Variants in SCYL2 observed in about 807,000 individuals in gnomAD.
The protein encoded by SCYL2 is SCY1-like protein 2.
SCYL2 carries 36 observed loss-of-function variants against 100.4 expected under a neutral mutation model. The observed-to-expected ratio is 0.36, with a 90% CI of 0.27 to 0.47. The LOEUF is 0.47. Among genes scored for constraint, SCYL2 ranks in the 20% least tolerant of loss-of-function variants. SCYL2 has a pLI of 1.00. For synonymous variants in SCYL2, 330 were observed against 359.2 expected, an observed-to-expected ratio of 0.92 and a Z score of 0.92; for missense variants, 902 against 1,083.9, an observed-to-expected ratio of 0.83 and a Z score of 2.36.
rs554795901 is a variant in SCYL2, at chr12:100,341,677, A to G, written c.*2505A>G. 2.0e-5 allele frequency: 3 copies of G among 152,232 alleles called. No individual in the cohort carries two copies. The highest frequency in any genetic ancestry group is 2.9e-5 in the Non-Finnish European group (2 of 68,046). The allele number at this position is 152,232 out of a possible 1,614,324, so 9.4% of individuals were successfully genotyped here. The stretch of plus-strand genomic sequence containing the variant: ...GTATATGCGAACATACCTGATATCA[A>G]GAGGAGTATGCACCAAATAAATTTT... On this transcript the variant is annotated 3_prime_UTR_variant, in exon 18 of 18. Coordinates refer to ENST00000360820, the MANE Select transcript of SCYL2 (RefSeq NM_017988.6).
rs149409839 is a variant in SCYL2, at chr12:100,339,421, A to G, written c.*249A>G. ...GTTTTTAAAGACCCAGCCCTTCCCA[A>G]TCTCAAAGAGAAAAAGGAAACTGAG... On this transcript the variant is annotated 3_prime_UTR_variant, in exon 18 of 18. Coordinates refer to ENST00000360820, the MANE Select transcript of SCYL2 (RefSeq NM_017988.6). The G allele has an allele frequency of 7.0e-5, 30 of 426,122 alleles. No homozygotes were observed. Among genetic ancestry groups the G allele is most frequent in the African/African-American group, 3.7e-4 (18 of 49,120 alleles). 26.4% of individuals were successfully genotyped at this position (426,122 alleles called of 1,614,324 possible).
chr12:100,315,633 C>A lies in SCYL2; in HGVS notation c.1171C>A (p.Pro391Thr). ...CCCTGACATGGTACCTTTTGTTTTG[C>A]CCAATGTTCTACTTATTGCTGAGGA... The part of the protein sequence containing the change: ...VNPDMVPFVL[P>T]NVLLIAEECT... Residue 391 changes from proline (P) to threonine (T), a missense_variant, in exon 9 of 18, where the codon CCC becomes ACC. Coordinates refer to ENST00000360820, the MANE Select transcript of SCYL2 (RefSeq NM_017988.6). The A allele has an allele frequency of 6.2e-7, 1 of 1,611,664 alleles. No homozygotes were observed. The highest frequency in any genetic ancestry group is 8.5e-7 in the Non-Finnish European group (1 of 1,178,656).
Position 100,340,031 on chromosome 12 carries a change from A to G in SCYL2, c.*859A>G, listed in dbSNP as rs1448034091. On this transcript the variant is annotated 3_prime_UTR_variant, in exon 18 of 18. Coordinates refer to ENST00000360820, the MANE Select transcript of SCYL2 (RefSeq NM_017988.6). ...AACTTCTGAGGTTGCAGCATATATG[A>G]ATTGCATTTTCAAAAGAAGATTTGT... 2 of 152,714 alleles carry G rather than the reference A, an allele frequency of 1.3e-5. No homozygotes were observed. The highest frequency in any genetic ancestry group is 4.8e-5 in the African/African-American group (2 of 41,576). 9.5% of individuals were successfully genotyped at this position (152,714 alleles called of 1,614,324 possible). A position where few individuals can be genotyped will look rare whatever the true frequency, so the allele number is the denominator to read the frequency against.
chr12:100,326,260 G>A (rs2096361672), intron 11 of SCYL2, among the ~76,000 whole-genome samples: 2 of 152,246 alleles, frequency 1.3e-5, no homozygotes, highest in African/African-American at 4.8e-5. Flanking sequence ...ATCACTTGGT[G>A]CAAAGAATGT....
chr12:100,302,374 GT>G (rs957679353), intron 4 of SCYL2, among the ~76,000 whole-genome samples: 3 of 152,184 alleles, frequency 2.0e-5, no homozygotes, highest in African/African-American at 7.2e-5. Context: ...AATTTGGTGT[GT>G]TTTTGCAGTG....
chr12:100,278,957 A>G (rs540646137), intron 1 of SCYL2, among the ~76,000 whole-genome samples: 51 of 151,924 alleles, frequency 3.4e-4, no homozygotes, highest in Non-Finnish European at 5.3e-4. Context: ...CTTTGTTCTT[A>G]TATGTAATTT....
rs1198328282 is a variant in SCYL2, at chr12:100,323,577, C to A, written c.1448C>A (p.Ser483Tyr). The change falls in exon 11 of 18, where the codon TCC (serine) becomes TAC (tyrosine). Residue 483 changes from serine (S) to tyrosine (Y), a missense_variant. By Grantham distance (144) the Ser-to-Tyr change is moderately radical (BLOSUM62 -2). Transcript: ENST00000360820. The stretch of plus-strand genomic sequence containing the variant: ...TTTGCAAATCTTATAGACTACCCAT[C>A]CATGAAAAACGCTTTGATACCAAGA... ...PTFANLIDYP[S>Y]MKNALIPRIK... is the part of the protein sequence containing the mutation. The A allele has an allele frequency of 1.1e-5, 18 of 1,607,036 alleles. No individual in the cohort carries two copies. The highest frequency in any genetic ancestry group is 1.5e-5 in the Non-Finnish European group (18 of 1,176,358).
At chr12:100,273,599 G>A (rs1268304197) in intron 1 of SCYL2, among the ~76,000 whole-genome samples, 2 of 152,120 alleles carry the variant, frequency 1.3e-5, no homozygotes, top group Non-Finnish European at 2.9e-5. Flanking sequence ...ATGATGGATA[G>A]CATCTCAAAT....
chr12:100,338,440 T>C, intron 17 of SCYL2, 88 bp from the exon 18 acceptor site: 1 of 1,192,600 alleles, frequency 8.4e-7, no homozygotes, highest in African/African-American at 1.6e-5. Context: ...TTCTAACTTG[T>C]CCTTTATAAT....
chr12:100,304,841 G>A (rs148172133), intron 4 of SCYL2, among the ~76,000 whole-genome samples: 15 of 151,700 alleles, frequency 9.9e-5, no homozygotes, highest in African/African-American at 2.7e-4. Flanking sequence ...AAAAAAAAGC[G>A]GGGGTTGCAG....
intron 4 of SCYL2, 97 bp from the exon 5 acceptor site, chr12:100,310,944 TTTA>T (rs1307228802): frequency 8.4e-7 from 1 of 1,196,412 alleles, no homozygotes; most frequent in African/African-American, 1.6e-5. Context: ...ACGCAAAACT[TTTA>T]TTGTGAAGAG....
In SCYL2 at chr12:100,333,242, G is replaced by C. The variant is rs1206437925; in HGVS notation, c.1762-924G>C. Among the ~76,000 whole-genome samples the C allele has an allele frequency of 3.3e-5, 5 of 152,146 alleles. 1 individual carries two copies. The highest frequency in any genetic ancestry group is 2.6e-4 in the Admixed American group (4 of 15,274). Reference sequence around the variant, plus strand: ...TAAGATGAAGAAGCTGCTGCTGATAGAGCATGGTGAAAAGCAGTATAACGT... The same window carrying C: ...TAAGATGAAGAAGCTGCTGCTGATACAGCATGGTGAAAAGCAGTATAACGT... On this transcript the variant is annotated intron_variant, in intron 13 of 17. Transcript: ENST00000360820.
chr12:100,325,185 G>T (rs1379893439), intron 11 of SCYL2, among the ~76,000 whole-genome samples: 2 of 152,044 alleles, frequency 1.3e-5, no homozygotes, highest in African/African-American at 4.8e-5. Context: ...GACAGAGCAA[G>T]CCCCCGCCGC....
chr12:100,315,435 C>G (rs984959087), intron 8 of SCYL2, 123 bp from the exon 9 acceptor site: 1 of 726,850 alleles, frequency 1.4e-6, no homozygotes, highest in African/African-American at 1.8e-5. Flanking sequence ...ATACCAGTTT[C>G]AACCATAAAT....
At chr12:100,304,060 G>A (rs565972545) in intron 4 of SCYL2, among the ~76,000 whole-genome samples, 1 of 152,072 alleles carries the variant, frequency 6.6e-6, no homozygotes, top group African/African-American at 2.4e-5. Flanking sequence ...ACACTGTGAG[G>A]GGAAAACCAC....
chr12:100,337,566 A>G (rs1005366061), intron 17 of SCYL2, 60 bp downstream of exon 17: 3 of 1,489,944 alleles, frequency 2.0e-6, no homozygotes, highest in Admixed American at 3.5e-5. Flanking sequence ...GTAAGGTGGT[A>G]TAGAACTTAG....
intron 3 of SCYL2, among the ~76,000 whole-genome samples, chr12:100,293,056 G>C (rs1300513999): frequency 1.3e-5 from 2 of 152,090 alleles, no homozygotes; most frequent in African/African-American, 2.4e-5. Flanking sequence ...GGCTGATCTT[G>C]AACTCTTGGC....
At position 100,338,637 on chromosome 12, in the gene SCYL2, TG is replaced by T; in HGVS notation, c.2258del (p.Gly753AlafsTer4). On this transcript the variant is annotated frameshift_variant, in exon 18 of 18. Transcript: ENST00000360820. LOFTEE classifies it high-confidence loss of function. ...AGTACTTTCACTTCTGTTCCTTCCA[TG>T]GGCATTGGTATGATGTTTTCTACAC... ...ASSTFTSVPSMGIGMMFSTPT... is the reference protein window; with the variant it reads ...ASSTFTSVPSXGIGMMFSTPT... 7 of 1,614,056 alleles carry T rather than the reference TG, an allele frequency of 4.3e-6. No individual in the cohort carries two copies. The highest frequency in any genetic ancestry group is 5.9e-6 in the Non-Finnish European group (7 of 1,179,972).
At chr12:100,287,222 T>G (rs2096305339) in intron 2 of SCYL2, among the ~76,000 whole-genome samples, 1 of 152,250 alleles carries the variant, frequency 6.6e-6, no homozygotes, top group Non-Finnish European at 1.5e-5. Context: ...TTAAGTATCT[T>G]GTTATCAACA....
Sources: gnomAD v4.1 joint callset for allele counts (sites outside exome capture counted in the v4.1 genomes callset) on GRCh38, gnomAD v4.1.1 for gene constraint, MANE v1.5 for transcripts, NCBI Gene and HGNC (gene_info 2026-07-23, HGNC 2026-07-21) for gene names.